PATJ: variants seen among roughly 807,000 people sequenced by gnomAD.
The protein encoded by PATJ is PATJ crumbs cell polarity complex component, also known as inaD-like protein.
PATJ carries 190 observed loss-of-function variants against 224.9 expected under a neutral mutation model. That is an observed-to-expected ratio of 0.84 (90% CI 0.75 to 0.95). The LOEUF is 0.95. Among genes scored for constraint, PATJ ranks in the 40% least tolerant of loss-of-function variants. PATJ has a pLI of 0.00. For missense variants in PATJ, 2,121 were observed against 2,270.3 expected (o/e 0.93, Z 1.34); for synonymous variants, 769 against 820.3 (o/e 0.94, Z 1.07).
At chr1:61,939,317 T>TCA (rs60430174) in intron 27 of PATJ, among the ~76,000 whole-genome samples, 8,862 of 142,406 alleles carry the variant, frequency 0.062, 596 homozygotes, top group African/African-American at 0.17. Flanking sequence ...AACTTTGCAT[T>TCA]CACACACACA....
intron 33 of PATJ, among the ~76,000 whole-genome samples, chr1:62,104,468 TCTCACCCC>T (rs1221143317): frequency 1.3e-5 from 2 of 151,990 alleles, no homozygotes; most frequent in Non-Finnish European, 1.5e-5. Context: ...ACCTTCCACC[TCTCACCCC>T]CAATTAATGT....
intron 31 of PATJ, among the ~76,000 whole-genome samples, chr1:62,068,957 T>C (rs768479090): frequency 2.6e-5 from 4 of 152,208 alleles, no homozygotes; most frequent in Admixed American, 6.5e-5. Context: ...ACCTCAGTTT[T>C]GAAGGCATTA....
intron 1 of PATJ, among the ~76,000 whole-genome samples, chr1:61,757,080 C>CTTTTTTTTTT (rs55788991): frequency 2.3e-5 from 3 of 129,194 alleles, no homozygotes; most frequent in Admixed American, 8.5e-5. Context: ...GTCACTTTTA[C>CTTTTTTTTTT]TTTTTTTTTT....
intron 43 of PATJ, 28 bp downstream of exon 43, chr1:62,153,509 T>A: frequency 5.7e-6 from 7 of 1,220,362 alleles, no homozygotes; most frequent in Non-Finnish European, 7.2e-6. Context: ...ATGTACTTTT[T>A]TAAAAAAATT....
intron 27 of PATJ, among the ~76,000 whole-genome samples, chr1:61,971,090 A>G (rs1030678863): frequency 1.3e-5 from 2 of 152,174 alleles, no homozygotes; most frequent in Non-Finnish European, 2.9e-5. Flanking sequence ...TATTTTGATC[A>G]TCTTACAAAT....
intron 35 of PATJ, chr1:62,114,491 C>T: frequency 5.5e-6 from 2 of 365,110 alleles, no homozygotes; most frequent in Non-Finnish European, 4.8e-6. Context: ...GTAAGAACAA[C>T]TAGCAAGGTT....
At chr1:61,833,910 A>C (rs1342798748) in intron 17 of PATJ, 125 bp downstream of exon 17, 3 of 749,386 alleles carry the variant, frequency 4.0e-6, no homozygotes, top group Non-Finnish European at 6.4e-6. Context: ...ATGGGATATT[A>C]TACTACTTTC....
chr1:61,991,214 T>TGATGACGAC (rs1553233747), intron 28 of PATJ, among the ~76,000 whole-genome samples: 1 of 147,758 alleles, frequency 6.8e-6, no homozygotes, highest in African/African-American at 2.5e-5. Context: ...ATGATGATGA[T>TGATGACGAC]GATGACAATA....
intron 27 of PATJ, among the ~76,000 whole-genome samples, chr1:61,968,405 T>TA (rs1401465122): frequency 3.3e-5 from 5 of 152,178 alleles, no homozygotes; most frequent in Non-Finnish European, 5.9e-5. Context: ...AATAGACTCT[T>TA]ATGTTGTTTA....
At chr1:62,048,002 A>G (rs1362893957) in intron 30 of PATJ, among the ~76,000 whole-genome samples, 1 of 152,248 alleles carries the variant, frequency 6.6e-6, no homozygotes, top group Non-Finnish European at 1.5e-5. Flanking sequence ...CGAGAGAGAA[A>G]TGAGAGCATC....
At chr1:61,812,995 G>A (rs1012852797) in intron 14 of PATJ, among the ~76,000 whole-genome samples, 2 of 151,768 alleles carry the variant, frequency 1.3e-5, no homozygotes, top group African/African-American at 2.4e-5. Flanking sequence ...GCTTTTCCAG[G>A]GTTTCCTGAT....
intron 14 of PATJ, among the ~76,000 whole-genome samples, chr1:61,810,495 G>C (rs971645346): frequency 6.6e-5 from 10 of 151,900 alleles, no homozygotes; most frequent in Admixed American, 5.9e-4. Flanking sequence ...TCCGAAGTTC[G>C]AGACCAGCCT....
intron 26 of PATJ, chr1:61,918,164 T>G (rs1246796626): frequency 6.6e-6 from 1 of 152,040 alleles, no homozygotes; most frequent in African/African-American, 2.4e-5. Flanking sequence ...GGAAAAATTT[T>G]AAATACTGAT....
chr1:61,766,328 A>G lies in PATJ; in HGVS notation c.239A>G (p.Lys80Arg), dbSNP rs142713181. The G allele has an allele frequency of 3.0e-5, 49 of 1,611,498 alleles. No individual in the cohort carries two copies. The African/African-American group carries it at 6.4e-4, about 21-fold the overall frequency. ...TCAGCCAACTTTGATTTTTCTAGGA[A>G]AGGTTTGTTAGTGTTCACAGATGGT... ...DCSANFDFSR[K>R]GLLVFTDGSI... Residue 80 changes from lysine to arginine, a missense_variant, in exon 4 of 44, where the codon AAA becomes AGA. Transcript: ENST00000642238.
At chr1:62,158,746 C>T (rs1461874649) in intron 43 of PATJ, among the ~76,000 whole-genome samples, 12 of 118,924 alleles carry the variant, frequency 1.0e-4, no homozygotes, top group East Asian at 2.8e-4. Flanking sequence ...AAAAAGAGTT[C>T]GAGACCAGCT....
intron 14 of PATJ, among the ~76,000 whole-genome samples, chr1:61,813,336 T>C (rs1655243923): frequency 5.7e-5 from 2 of 35,050 alleles, no homozygotes; most frequent in Non-Finnish European, 1.1e-4. Context: ...GGAATGTACA[T>C]ATATATATAT....
At chr1:62,001,054 A>C (rs1474131341) in intron 28 of PATJ, among the ~76,000 whole-genome samples, 3 of 151,528 alleles carry the variant, frequency 2.0e-5, no homozygotes, top group Non-Finnish European at 4.4e-5. Context: ...TTTTCTTGTA[A>C]ATTTGTTTGA....
intron 27 of PATJ, among the ~76,000 whole-genome samples, chr1:61,950,310 C>T (rs116205959): frequency 0.012 from 1,873 of 152,262 alleles, 41 homozygotes; most frequent in African/African-American, 0.042. Flanking sequence ...TCTAATTTTA[C>T]GTTGAGGAGG....
intron 27 of PATJ, among the ~76,000 whole-genome samples, chr1:61,964,412 C>A (rs1008738406): frequency 6.6e-6 from 1 of 152,166 alleles, no homozygotes; most frequent in South Asian, 2.1e-4. Flanking sequence ...TATGTGTTCT[C>A]GACTATTCTT....
Sources: allele counts gnomAD v4.1 joint callset (sites outside exome capture counted in the v4.1 genomes callset), GRCh38; gene constraint gnomAD v4.1.1; transcripts MANE v1.5; gene names NCBI Gene and HGNC (gene_info 2026-07-23, HGNC 2026-07-21).